KIAA1328: variants seen among roughly 807,000 people sequenced by gnomAD.
KIAA1328 encodes KIAA1328.
Under a neutral mutation model 68.1 loss-of-function variants are expected in KIAA1328, and 52 were observed. That is an observed-to-expected ratio of 0.76 (90% CI 0.61 to 0.96). The LOEUF is 0.96. Among genes scored for constraint, KIAA1328 ranks in the 40% least tolerant of loss-of-function variants. The probability of loss-of-function intolerance (pLI) is 0.00; values close to 1 mark genes in which losing one functional copy is unlikely to be tolerated. For synonymous variants in KIAA1328, 232 were observed against 239.4 expected (o/e 0.97, Z 0.28); for missense variants, 641 against 677.6 (o/e 0.95, Z 0.60).
intron 6 of KIAA1328, among the ~76,000 whole-genome samples, chr18:37,059,384 G>T (rs2151701877): frequency 6.6e-6 from 1 of 152,190 alleles, no homozygotes; most frequent in East Asian, 1.9e-4. Context: ...CAAAGGGTAT[G>T]AACAGACACT....
At chr18:36,956,543 T>TGGGGGGGG (rs112740428) in intron 5 of KIAA1328, among the ~76,000 whole-genome samples, 1 of 137,162 alleles carries the variant, frequency 7.3e-6, no homozygotes, top group African/African-American at 2.8e-5. Context: ...AGGAAGGAAG[T>TGGGGGGGG]GGGGGGGGGG....
chr18:36,841,840 A>G (rs1377924760), intron 3 of KIAA1328, among the ~76,000 whole-genome samples: 3 of 152,072 alleles, frequency 2.0e-5, no homozygotes, highest in Non-Finnish European at 4.4e-5. Context: ...TTTCATATAT[A>G]TTTGGAACTT....
intron 7 of KIAA1328, among the ~76,000 whole-genome samples, chr18:37,110,049 G>A (rs1474236484): frequency 7.6e-5 from 11 of 144,816 alleles, no homozygotes; most frequent in African/African-American, 2.5e-4. Flanking sequence ...ATGTCAGCTG[G>A]TTAAAAAAAA....
At chr18:36,865,419 CTT>C (rs1484550715) in intron 4 of KIAA1328, among the ~76,000 whole-genome samples, 3 of 152,070 alleles carry the variant, frequency 2.0e-5, no homozygotes, top group Non-Finnish European at 4.4e-5. Flanking sequence ...TAGAGAATAA[CTT>C]TTAAAATGAT....
chr18:37,106,375 A>C (rs2057775938), intron 7 of KIAA1328, among the ~76,000 whole-genome samples: 1 of 152,076 alleles, frequency 6.6e-6, no homozygotes, highest in African/African-American at 2.4e-5. Flanking sequence ...TAGGGGCATT[A>C]GAAATTAGGT....
In KIAA1328 at chr18:36,989,267, A is replaced by T. The variant is rs188529891; in HGVS notation, c.576+29832A>T. The stretch of plus-strand genomic sequence containing the variant: ...GGTTGGTGAAAAAAAGATTTTTAAA[A>T]ATCTTCTAAGAATAAAATTTGTAGC... On this transcript the variant is annotated intron_variant, in intron 6 of 9. Transcript: ENST00000280020. Among the ~76,000 whole-genome samples the T allele has an allele frequency of 3.3e-5, 5 of 152,326 alleles. No homozygotes were observed. The East Asian group carries it at 9.7e-4, about 29-fold the overall frequency.
chr18:37,117,569 C>G (rs1367820219), intron 7 of KIAA1328, among the ~76,000 whole-genome samples: 1 of 152,100 alleles, frequency 6.6e-6, no homozygotes, highest in Non-Finnish European at 1.5e-5. Context: ...GTGCAACACA[C>G]CAACATGGCA....
intron 5 of KIAA1328, among the ~76,000 whole-genome samples, chr18:36,942,245 G>A (rs749232896): frequency 1.2e-4 from 19 of 152,324 alleles, no homozygotes; most frequent in Non-Finnish European, 2.6e-4. Context: ...GGCTTGGTCA[G>A]CTAGATGTAG....
intron 9 of KIAA1328, among the ~76,000 whole-genome samples, chr18:37,181,606 A>G (rs778407340): frequency 2.6e-5 from 4 of 152,202 alleles, no homozygotes; most frequent in Non-Finnish European, 5.9e-5. Flanking sequence ...CAGAAATAAT[A>G]ACGATGTAGC....
chr18:36,993,610 A>G (rs904876596), intron 6 of KIAA1328, among the ~76,000 whole-genome samples: 1 of 152,216 alleles, frequency 6.6e-6, no homozygotes, highest in Admixed American at 6.5e-5. Flanking sequence ...TTTAAGAACT[A>G]AAGATAAAGA....
intron 7 of KIAA1328, among the ~76,000 whole-genome samples, chr18:37,121,544 G>C (rs866996621): frequency 6.6e-6 from 1 of 151,836 alleles, no homozygotes; most frequent in Non-Finnish European, 1.5e-5. Flanking sequence ...TGGGAATCAC[G>C]ATGTGACTGT....
chr18:36,937,287 G>T (rs2050537317), intron 5 of KIAA1328, among the ~76,000 whole-genome samples: 1 of 152,120 alleles, frequency 6.6e-6, no homozygotes, highest in African/African-American at 2.4e-5. Context: ...TACCATTCAG[G>T]ACATAGGCAC....
At chr18:36,907,107 A>C (rs2049251195) in intron 5 of KIAA1328, among the ~76,000 whole-genome samples, 1 of 152,058 alleles carries the variant, frequency 6.6e-6, no homozygotes, top group South Asian at 2.1e-4. Context: ...CCTGGTATAA[A>C]GGAATAAAGT....
intron 9 of KIAA1328, among the ~76,000 whole-genome samples, chr18:37,178,683 A>G (rs2059641326): frequency 6.6e-6 from 1 of 152,106 alleles, no homozygotes; most frequent in African/African-American, 2.4e-5. Flanking sequence ...TGGCTGTACT[A>G]ATTTACATTC....
At chr18:37,206,581 T>C (rs898816446) in intron 9 of KIAA1328, among the ~76,000 whole-genome samples, 3 of 152,186 alleles carry the variant, frequency 2.0e-5, no homozygotes, top group Non-Finnish European at 4.4e-5. Context: ...ACCTCTTTGA[T>C]CATTAGAAAG....
At chr18:37,069,921 G>A (rs1012171754) in intron 7 of KIAA1328, among the ~76,000 whole-genome samples, 4 of 151,702 alleles carry the variant, frequency 2.6e-5, no homozygotes, top group African/African-American at 4.8e-5. Context: ...AAGCATATTG[G>A]TTTGAGACTT....
chr18:37,027,896 C>T (rs2054654987), intron 6 of KIAA1328, among the ~76,000 whole-genome samples: 1 of 152,088 alleles, frequency 6.6e-6, no homozygotes, highest in Admixed American at 6.6e-5. Context: ...AGAGCTTCTG[C>T]ACAGCAAAAG....
intron 6 of KIAA1328, among the ~76,000 whole-genome samples, chr18:37,055,020 C>A (rs1599100192): frequency 6.6e-6 from 1 of 152,122 alleles, no homozygotes; most frequent in Non-Finnish European, 1.5e-5. Context: ...TAATGTCTCT[C>A]AGATTCAGTA....
rs202176046 is a variant in KIAA1328, at chr18:37,172,992, A to C, written c.1434A>C (p.Arg478Ser). 37 of 1,612,840 alleles carry C rather than the reference A, an allele frequency of 2.3e-5. No homozygotes were observed. The Middle Eastern group carries it at 4.9e-4, about 22-fold the overall frequency. Residue 478 changes from arginine to serine, a missense_variant, in exon 9 of 10, where the codon AGA (arginine) becomes AGC (serine). By Grantham distance (110) the Arg-to-Ser change is moderately radical. Transcript: ENST00000280020. ...ATATAGGGACAGTGACAGGAGTTAGAAAAGATGCGTCTACATCTCCTATGC... is the reference window on the plus strand; with the variant it reads ...ATATAGGGACAGTGACAGGAGTTAGCAAAGATGCGTCTACATCTCCTATGC... ...RPQRGTVTGV[R>S]KDASTSPMPT...
Sources: allele counts gnomAD v4.1 joint callset (sites outside exome capture counted in the v4.1 genomes callset), GRCh38; gene constraint gnomAD v4.1.1; transcripts MANE v1.5; gene names NCBI Gene and HGNC (gene_info 2026-07-23, HGNC 2026-07-21).